PRELID2: variants seen among roughly 807,000 people sequenced by gnomAD.
PRELID2 encodes PRELI domain containing 2.
PRELID2 carries 25 observed loss-of-function variants against 28.4 expected under a neutral mutation model. That is an observed-to-expected ratio of 0.88 (90% confidence interval 0.64 to 1.23). The LOEUF (loss-of-function observed/expected upper bound fraction) is 1.23, where lower values mean the gene tolerates loss of function less well. PRELID2 is among the 50% of genes most tolerant of loss of function. The pLI is 0.00. For missense variants in PRELID2, 201 were observed against 214.4 expected (o/e 0.94, Z 0.39); for synonymous variants, 76 against 71.6 (o/e 1.06, Z -0.31).
the PRELID2 span, among the ~76,000 whole-genome samples, chr5:145,299,913 T>C: frequency 6.6e-6 from 1 of 152,140 alleles, no homozygotes; most frequent in Non-Finnish European, 1.5e-5. Flanking sequence ...GATAGATACA[T>C]GATTCTTTAC....
chr5:145,518,415 G>C (rs1752537668), intron 1 of PRELID2, among the ~76,000 whole-genome samples: 1 of 152,030 alleles, frequency 6.6e-6, no homozygotes, highest in Admixed American at 6.6e-5. Flanking sequence ...GGCCAGGCTG[G>C]TCTCGAGTTC....
At chr5:145,460,350 C>T in the PRELID2 span, among the ~76,000 whole-genome samples, 1 of 152,130 alleles carries the variant, frequency 6.6e-6, no homozygotes. Context: ...AGATATAGAA[C>T]ATGTATTTTT....
intron 1 of PRELID2, among the ~76,000 whole-genome samples, chr5:145,516,168 G>T (rs777436177): frequency 6.6e-6 from 1 of 152,088 alleles, no homozygotes; most frequent in African/African-American, 2.4e-5. Context: ...AAGAAATAAA[G>T]GTTATTCAAA....
intron 1 of PRELID2, among the ~76,000 whole-genome samples, chr5:145,543,908 C>A (rs903747674): frequency 7.2e-5 from 11 of 151,964 alleles, no homozygotes; most frequent in Non-Finnish European, 1.3e-4. Flanking sequence ...TTTCAGTCAA[C>A]TTTTCTTTCT....
rs1754480120 is a variant in PRELID2, at chr5:145,817,880, C to T, written c.368+14G>A. ...TGCAACCAAAACACACACACATATACACACGAGTCTTACCAATTTGGGTTT... is the reference window on the plus strand; with the variant it reads ...TGCAACCAAAACACACACACATATATACACGAGTCTTACCAATTTGGGTTT... On this transcript the variant is annotated intron_variant, in intron 4 of 6. Coordinates refer to ENST00000683046, the MANE Select transcript of PRELID2 (RefSeq NM_205846.3). The T allele has an allele frequency of 6.5e-7, 1 of 1,533,702 alleles. No individual in the cohort carries two copies. The highest frequency in any genetic ancestry group is 2.3e-5 in the East Asian group (1 of 43,720).
intron 1 of PRELID2, among the ~76,000 whole-genome samples, chr5:145,592,009 A>G (rs1753236119): frequency 6.6e-6 from 1 of 152,176 alleles, no homozygotes; most frequent in Admixed American, 6.5e-5. Flanking sequence ...GTGCTGAGAG[A>G]GAGGAAAATT....
chr5:145,593,834 A>G (rs544196608), intron 1 of PRELID2, among the ~76,000 whole-genome samples: 1 of 152,332 alleles, frequency 6.6e-6, no homozygotes, highest in African/African-American at 2.4e-5. Flanking sequence ...GTGATATATC[A>G]TTTAATCATG....
intron 5 of PRELID2, among the ~76,000 whole-genome samples, chr5:145,768,112 C>A (rs1757881150): frequency 6.6e-6 from 1 of 150,858 alleles, no homozygotes; most frequent in African/African-American, 2.4e-5. Context: ...GTAGTCCCAG[C>A]TACTCAGGAG....
chr5:145,767,678 C>G (rs943994908), intron 5 of PRELID2, among the ~76,000 whole-genome samples: 1 of 152,170 alleles, frequency 6.6e-6, no homozygotes, highest in Non-Finnish European at 1.5e-5. Context: ...TGTGCTCCCC[C>G]TTTTGCAAGG....
intron 4 of PRELID2, among the ~76,000 whole-genome samples, chr5:145,814,721 C>A (rs560749819): frequency 6.6e-5 from 10 of 151,788 alleles, no homozygotes; most frequent in African/African-American, 2.2e-4. Flanking sequence ...CAAAAAAAAA[C>A]AGATAATTAT....
the PRELID2 span, among the ~76,000 whole-genome samples, chr5:145,271,302 G>T: frequency 6.6e-6 from 1 of 152,016 alleles, no homozygotes; most frequent in Non-Finnish European, 1.5e-5. Flanking sequence ...GTAGCTCATT[G>T]CAGCCTTGAC....
At chr5:145,754,097 T>A (rs182062990), downstream of PRELID2, 1 of 152,278 alleles carries the variant, frequency 6.6e-6, no homozygotes, top group Non-Finnish European at 1.5e-5. Flanking sequence ...TCAGAACAGC[T>A]TGAAGGTAAA....
At position 145,673,649 on chromosome 5, in the gene PRELID2, A is replaced by T. The variant is rs561961033; in HGVS notation, n.70+91282T>A. Reference sequence around the variant, plus strand: ...TGGGCATAATAAATCTATAAAAAAAATTTTTGATTTGCTAGCAAACCAAAA... The same window carrying T: ...TGGGCATAATAAATCTATAAAAAAATTTTTTGATTTGCTAGCAAACCAAAA... On this transcript the variant is annotated intron_variant and non_coding_transcript_variant, in intron 1 of 2. Coordinates refer to the PRELID2 transcript ENST00000510259. 4.4e-4 allele frequency among the ~76,000 whole-genome samples: 67 copies of T among 152,184 alleles called. 1 individual carries two copies. The highest frequency in any genetic ancestry group is 1.5e-3 in the African/African-American group (61 of 41,562).
At chr5:145,424,330 C>A in the PRELID2 span, among the ~76,000 whole-genome samples, 2 of 152,234 alleles carry the variant, frequency 1.3e-5, no homozygotes, top group Non-Finnish European at 2.9e-5. Context: ...CGCCCCTCCC[C>A]CAGCCTTGCT....
intron 1 of PRELID2, among the ~76,000 whole-genome samples, chr5:145,620,946 A>G (rs1477867162): frequency 2.0e-5 from 3 of 152,230 alleles, no homozygotes; most frequent in African/African-American, 7.2e-5. Context: ...AGACATCTGA[A>G]TAACATCATC....
At chr5:145,790,081 A>G (rs1246969342) in intron 5 of PRELID2, among the ~76,000 whole-genome samples, 2 of 152,190 alleles carry the variant, frequency 1.3e-5, no homozygotes, top group Non-Finnish European at 2.9e-5. Context: ...ATGGAAAACT[A>G]TATGAAAGTT....
At chr5:145,751,297 C>T (rs1757116570) in intron 1 of PRELID2, among the ~76,000 whole-genome samples, 1 of 152,200 alleles carries the variant, frequency 6.6e-6, no homozygotes, top group African/African-American at 2.4e-5. Flanking sequence ...AGAACATAGG[C>T]TGATTCTGCA....
chr5:145,817,212 T>A (rs866709417), intron 4 of PRELID2, among the ~76,000 whole-genome samples: 8,573 of 71,940 alleles, frequency 0.12, 1,003 homozygotes, highest in African/African-American at 0.16. Flanking sequence ...AATAAATAAA[T>A]AAAAAAAAAT....
At chr5:145,662,091 T>G (rs74400956) in intron 1 of PRELID2, among the ~76,000 whole-genome samples, 1,914 of 152,132 alleles carry the variant, frequency 0.013, 21 homozygotes, top group Non-Finnish European at 0.02. Flanking sequence ...ATGCAGGCAC[T>G]TGTCTAGATC....
Sources: gnomAD v4.1 joint callset for allele counts (sites outside exome capture counted in the v4.1 genomes callset) on GRCh38, gnomAD v4.1.1 for gene constraint, MANE v1.5 for transcripts, NCBI Gene and HGNC (gene_info 2026-07-23, HGNC 2026-07-21) for gene names.